SLC9D1: variants seen among roughly 807,000 people sequenced by gnomAD.
The protein encoded by SLC9D1 is solute carrier family 9 member D1, also known as putative LAG1-interacting protein.
At chr13:113,536,697 C>A in the SLC9D1 span, 1 of 256,292 alleles carries the variant, frequency 3.9e-6, no homozygotes, top group Non-Finnish European at 6.1e-6. Context: ...GCTGGGCCTT[C>A]TGCACATCTG....
the SLC9D1 span, chr13:113,549,643 C>T: frequency 3.7e-6 from 5 of 1,342,162 alleles, no homozygotes; most frequent in East Asian, 6.9e-5. Flanking sequence ...GGCAACAGAA[C>T]AGCCCTCTAG....
At chr13:113,533,749 C>T in the SLC9D1 span, among the ~76,000 whole-genome samples, 1 of 152,202 alleles carries the variant, frequency 6.6e-6, no homozygotes. Context: ...GGAATTTTAT[C>T]GTCAGGCATC....
At chr13:113,503,868 C>T in the SLC9D1 span, 1 of 367,166 alleles carries the variant, frequency 2.7e-6, no homozygotes, top group Non-Finnish European at 5.0e-6. Flanking sequence ...AGATGGCTCC[C>T]TCTAAGGTGC....
At chr13:113,521,221 G>A in the SLC9D1 span, among the ~76,000 whole-genome samples, 1 of 151,592 alleles carries the variant, frequency 6.6e-6, no homozygotes, top group South Asian at 2.1e-4. Flanking sequence ...CTGTGGTGGG[G>A]GGGCATGTGT....
chr13:113,546,416 C>CT, the SLC9D1 span, among the ~76,000 whole-genome samples: 1 of 152,132 alleles, frequency 6.6e-6, no homozygotes, highest in South Asian at 2.1e-4. This position sits in a 1 kb window ranked among gnomAD's most constrained non-coding sequence, Gnocchi z 7.1. Flanking sequence ...GGGGGCAGCT[C>CT]TGAGACCCAG....
the SLC9D1 span, chr13:113,491,328 TCCCTCCCTGGGGCTC>T: frequency 1.3e-5 from 2 of 152,188 alleles, no homozygotes; most frequent in Non-Finnish European, 2.9e-5. Context: ...CTTCCTTCCC[TCCCTCCCTGGGGCTC>T]CCCTCCCCTC....
At chr13:113,501,270 T>C in the SLC9D1 span, among the ~76,000 whole-genome samples, 1 of 152,168 alleles carries the variant, frequency 6.6e-6, no homozygotes, top group South Asian at 2.1e-4. Flanking sequence ...CAACCAACTG[T>C]GGATGAAAAT....
At chr13:113,525,008 T>C in the SLC9D1 span, among the ~76,000 whole-genome samples, 1 of 152,240 alleles carries the variant, frequency 6.6e-6, no homozygotes, top group Non-Finnish European at 1.5e-5. Flanking sequence ...TCATTTATAA[T>C]GTTTTGAGTG....
the SLC9D1 span, chr13:113,510,450 G>T: frequency 1.1e-3 from 1,781 of 1,597,982 alleles, 2 homozygotes; most frequent in Non-Finnish European, 1.4e-3. Flanking sequence ...TTCTGAGTGC[G>T]TGTCTAATTC....
chr13:113,495,951 G>T, the SLC9D1 span: 1 of 1,613,968 alleles, frequency 6.2e-7, no homozygotes, highest in Non-Finnish European at 8.5e-7. Context: ...CCTGCAGGGG[G>T]ATTACAAAGA....
At chr13:113,513,923 G>A in the SLC9D1 span, among the ~76,000 whole-genome samples, 1 of 152,226 alleles carries the variant, frequency 6.6e-6, no homozygotes, top group Admixed American at 6.5e-5. Flanking sequence ...CCGGTGGATA[G>A]CAGCACCACA....
the SLC9D1 span, among the ~76,000 whole-genome samples, chr13:113,508,214 G>A: frequency 1.3e-5 from 2 of 152,226 alleles, no homozygotes; most frequent in Non-Finnish European, 2.9e-5. Flanking sequence ...ACAGAGTCTC[G>A]CCTGTTCTCT....
the SLC9D1 span, among the ~76,000 whole-genome samples, chr13:113,495,348 C>A: frequency 6.6e-6 from 1 of 152,200 alleles, no homozygotes; most frequent in African/African-American, 2.4e-5. Context: ...TGATTTTAAT[C>A]TCAGTGAAAT....
At chr13:113,534,471 A>G in the SLC9D1 span, 3 of 528,692 alleles carry the variant, frequency 5.7e-6, no homozygotes, top group African/African-American at 3.9e-5. Context: ...TTGCTAAAAT[A>G]GTGTTTGTGA....
chr13:113,548,181 T>C, the SLC9D1 span: 1 of 1,100,164 alleles, frequency 9.1e-7, no homozygotes, highest in Non-Finnish European at 1.3e-6. Flanking sequence ...CTTTCCCTAC[T>C]TGACGTGTTA....
At chr13:113,498,606 GT>G in the SLC9D1 span, 1 of 1,068,038 alleles carries the variant, frequency 9.4e-7, no homozygotes, top group East Asian at 2.9e-5. Flanking sequence ...TCACGTGTAT[GT>G]TTTTAATGTA....
chr13:113,526,132 G>A, the SLC9D1 span, among the ~76,000 whole-genome samples: 3 of 152,356 alleles, frequency 2.0e-5, no homozygotes, highest in East Asian at 1.9e-4. Context: ...GACAGGATGC[G>A]GACGTGGAAG....
At chr13:113,541,459 G>A in the SLC9D1 span, among the ~76,000 whole-genome samples, 1 of 141,494 alleles carries the variant, frequency 7.1e-6, no homozygotes, top group African/African-American at 2.8e-5. Flanking sequence ...ATACGCACAC[G>A]ATCGCTGATC....
chr13:113,541,130 G>GCC, the SLC9D1 span, among the ~76,000 whole-genome samples: 2 of 152,200 alleles, frequency 1.3e-5, no homozygotes, highest in Non-Finnish European at 2.9e-5. Context: ...AGAGTTTGGA[G>GCC]TCAGGTGGCC....
Sources: allele counts gnomAD v4.1 joint callset (sites outside exome capture counted in the v4.1 genomes callset), GRCh38; gene constraint gnomAD v4.1.1; non-coding constraint Gnocchi (gnomAD v3.1); transcripts MANE v1.5; gene names NCBI Gene and HGNC (gene_info 2026-07-23, HGNC 2026-07-21).